The following SLIT3 variants were observed in gnomAD, a reference collection of about 807,000 sequenced individuals.
The protein encoded by SLIT3 is slit guidance ligand 3, also known as slit homolog 3 protein.
Under a neutral mutation model 184.0 loss-of-function variants are expected in SLIT3, and 68 were observed. That is an observed-to-expected ratio of 0.37 (90% CI 0.30 to 0.45). The LOEUF (loss-of-function observed/expected upper bound fraction) is 0.45. Among genes scored for constraint, SLIT3 ranks in the 20% least tolerant of loss-of-function variants. The pLI is 1.00. For missense variants in SLIT3, 1,707 were observed against 2,026.0 expected, an observed-to-expected ratio of 0.84 and a Z score of 3.02; for synonymous variants, 831 against 828.6, an observed-to-expected ratio of 1.00 and a Z score of -0.05.
At chr5:168,686,013 C>A in intron 30 of SLIT3, 86 bp from the exon 31 acceptor site, 1 of 1,431,114 alleles carries the variant, frequency 7.0e-7, no homozygotes, top group South Asian at 1.5e-5. Context: ...GAACCTCGAG[C>A]AGAGAGGTAG....
At chr5:169,091,806 T>C (rs753705289) in intron 4 of SLIT3, among the ~76,000 whole-genome samples, 7 of 152,214 alleles carry the variant, frequency 4.6e-5, no homozygotes, top group Non-Finnish European at 8.8e-5. Flanking sequence ...CCCAGTGCTC[T>C]GAACATATTT....
intron 16 of SLIT3, among the ~76,000 whole-genome samples, chr5:168,759,693 T>G (rs1239487169): frequency 6.6e-6 from 1 of 152,232 alleles, no homozygotes; most frequent in Non-Finnish European, 1.5e-5. Flanking sequence ...TTTTGGTTTT[T>G]GTTTTGTTGT....
At chr5:169,135,420 T>A (rs1266658707) in intron 4 of SLIT3, among the ~76,000 whole-genome samples, 1 of 68,090 alleles carries the variant, frequency 1.5e-5, no homozygotes, top group Admixed American at 1.5e-4. Flanking sequence ...CAGATCAGTG[T>A]TTTTTTTTAA....
rs901867096 is a variant in SLIT3 at position 169,000,364 on chromosome 5, C to T, written c.414-117028G>A. On this transcript the variant is annotated intron_variant, in intron 4 of 35. Coordinates refer to ENST00000519560, the MANE Select transcript of SLIT3 (RefSeq NM_003062.4). ...CTGAGATCACACCACTGCACTCCAG[C>T]CTGGGTGACAAAAGCAAAACTCCAT... Among the ~76,000 whole-genome samples the T allele has an allele frequency of 3.0e-5, 4 of 132,352 alleles. No individual in the cohort carries two copies. In the Admixed American group the frequency reaches 3.3e-4, roughly 11 times the overall value. The allele number at this position is 132,352 out of a possible 152,430, so 86.8% of individuals were successfully genotyped here.
intron 7 of SLIT3, among the ~76,000 whole-genome samples, chr5:168,820,304 T>C (rs1757482991): frequency 6.6e-6 from 1 of 152,162 alleles, no homozygotes; most frequent in African/African-American, 2.4e-5. Flanking sequence ...TCTGCTTTTG[T>C]TCCTGATGAA....
chr5:168,698,028 A>G (rs1312113912), intron 27 of SLIT3, among the ~76,000 whole-genome samples: 1 of 152,182 alleles, frequency 6.6e-6, no homozygotes, highest in Non-Finnish European at 1.5e-5. Flanking sequence ...AGAGCTGTCC[A>G]GGAGACTCCA....
chr5:168,873,666 C>T (rs954541043), intron 5 of SLIT3, among the ~76,000 whole-genome samples: 1 of 152,074 alleles, frequency 6.6e-6, no homozygotes, highest in Admixed American at 6.5e-5. Context: ...GTGAAGGCTG[C>T]GTGCAAACCA....
chr5:169,296,937 C>T (rs1002840019), intron 1 of SLIT3, among the ~76,000 whole-genome samples: 15 of 152,316 alleles, frequency 9.8e-5, no homozygotes, highest in Middle Eastern at 3.4e-3. Flanking sequence ...TAGACAAGGA[C>T]GGCAAGATGG....
At chr5:169,125,094 C>G (rs1404451613) in intron 4 of SLIT3, among the ~76,000 whole-genome samples, 1 of 152,000 alleles carries the variant, frequency 6.6e-6, no homozygotes, top group Non-Finnish European at 1.5e-5. Context: ...TGTCGCCAGG[C>G]TACAGTGCAG....
At chr5:168,743,586 T>C (rs1209512228) in intron 20 of SLIT3, among the ~76,000 whole-genome samples, 2 of 152,182 alleles carry the variant, frequency 1.3e-5, no homozygotes, top group African/African-American at 4.8e-5. Flanking sequence ...AATATTGAAA[T>C]TGGGCCAACT....
At chr5:168,973,869 G>T (rs1214149340) in intron 4 of SLIT3, among the ~76,000 whole-genome samples, 4 of 152,270 alleles carry the variant, frequency 2.6e-5, no homozygotes, top group Middle Eastern at 6.8e-3. Context: ...CCTGAAATGG[G>T]ATATGCTTAA....
chr5:168,696,537 C>G, intron 27 of SLIT3, 106 bp from the exon 28 acceptor site: 1 of 1,371,548 alleles, frequency 7.3e-7, no homozygotes, highest in East Asian at 2.4e-5. Context: ...TTAGTTTTTC[C>G]TCCAGATGGA....
chr5:168,779,105 C>T (rs559567233), intron 12 of SLIT3, among the ~76,000 whole-genome samples: 1 of 152,344 alleles, frequency 6.6e-6, no homozygotes, highest in African/African-American at 2.4e-5. Flanking sequence ...CCAGGTACTC[C>T]CATTTAATCT....
intron 4 of SLIT3, among the ~76,000 whole-genome samples, chr5:168,905,880 A>C (rs1051936555): frequency 2.0e-5 from 3 of 152,220 alleles, no homozygotes; most frequent in African/African-American, 7.2e-5. Flanking sequence ...CTTTGGAAAG[A>C]AGAAGGTGGT....
intron 4 of SLIT3, among the ~76,000 whole-genome samples, chr5:168,933,596 T>C (rs1762064956): frequency 1.3e-5 from 2 of 152,214 alleles, no homozygotes; most frequent in Middle Eastern, 3.4e-3. Flanking sequence ...ATTCCCTTTT[T>C]AAGTATGAGG....
chr5:168,968,421 T>C (rs1305850843), intron 4 of SLIT3, among the ~76,000 whole-genome samples: 2 of 152,204 alleles, frequency 1.3e-5, no homozygotes, highest in African/African-American at 2.4e-5. Context: ...GTTGTCACCT[T>C]GGCAGACACC....
Position 168,772,379 on chromosome 5 carries a change from G to A in SLIT3, c.1459+402C>T, listed in dbSNP as rs190670717. 245 of 208,694 alleles carry A rather than the reference G, an allele frequency of 1.2e-3. 1 individual carries two copies. Among genetic ancestry groups the A allele is most frequent in the Admixed American group, 5.4e-3 (101 of 18,694 alleles). 12.9% of individuals were successfully genotyped at this position (208,694 alleles called of 1,614,324 possible). ...AAGATTACACACCGTCTGTAGCCTC[G>A]CCTGAGCTATATGTATTTCTCTACT... is the stretch of plus-strand genomic sequence containing the variant. On this transcript the variant is annotated intron_variant, in intron 14 of 35. Transcript: ENST00000519560.
intron 4 of SLIT3, among the ~76,000 whole-genome samples, chr5:169,112,751 A>G (rs1478401866): frequency 6.6e-6 from 1 of 152,004 alleles, no homozygotes; most frequent in Non-Finnish European, 1.5e-5. Context: ...TGAGCAGGAG[A>G]TCAGAGGGCA....
At chr5:168,801,243 A>C (rs1245372906) in intron 9 of SLIT3, among the ~76,000 whole-genome samples, 2 of 152,132 alleles carry the variant, frequency 1.3e-5, no homozygotes, top group African/African-American at 4.8e-5. Flanking sequence ...AGAAAATCCA[A>C]GAGTCACTGA....
Sources: gnomAD v4.1 joint callset for allele counts (sites outside exome capture counted in the v4.1 genomes callset) on GRCh38, gnomAD v4.1.1 for gene constraint, MANE v1.5 for transcripts, NCBI Gene and HGNC (gene_info 2026-07-23, HGNC 2026-07-21) for gene names.